The following KHDRBS2 variants were observed in gnomAD, a reference collection of about 807,000 sequenced individuals.
KHDRBS2 encodes the protein KH domain-containing, RNA-binding, signal transduction-associated protein 2.
A neutral mutation model predicts 44.3 loss-of-function variants in KHDRBS2; 26 were observed. The observed-to-expected ratio is 0.59, with a 90% confidence interval of 0.43 to 0.81. The LOEUF (loss-of-function observed/expected upper bound fraction) is 0.81, where lower values mean the gene tolerates loss of function less well. Ranked by LOEUF, KHDRBS2 falls within the 40% of genes least tolerant of loss-of-function variation. The pLI is 0.00. For missense variants in KHDRBS2, 476 were observed against 433.1 expected, an observed-to-expected ratio of 1.10 and a Z score of -0.88; for synonymous variants, 194 against 151.1, an observed-to-expected ratio of 1.28 and a Z score of -2.08.
At chr6:62,045,324 G>A (rs1337703479) in intron 3 of KHDRBS2, among the ~76,000 whole-genome samples, 1 of 151,966 alleles carries the variant, frequency 6.6e-6, no homozygotes, top group Non-Finnish European at 1.5e-5. Flanking sequence ...TATACATAAA[G>A]TACAGATTCT....
intron 4 of KHDRBS2, among the ~76,000 whole-genome samples, chr6:61,961,739 G>C (rs754222324): frequency 6.6e-6 from 1 of 152,044 alleles, no homozygotes; most frequent in African/African-American, 2.4e-5. Context: ...AAAAAGGGAA[G>C]ACCACGGCAC....
the KHDRBS2 span, among the ~76,000 whole-genome samples, chr6:61,544,743 T>C: frequency 6.6e-6 from 1 of 152,072 alleles, no homozygotes; most frequent in Non-Finnish European, 1.5e-5. Context: ...TGGAATACTA[T>C]GCAGCCATAA....
the KHDRBS2 span, among the ~76,000 whole-genome samples, chr6:61,667,397 AT>A: frequency 6.6e-6 from 1 of 151,172 alleles, no homozygotes; most frequent in South Asian, 2.1e-4. Context: ...GTTTTATGCA[AT>A]TTATCAAAAA....
At chr6:61,598,837 CTTT>C in the KHDRBS2 span, among the ~76,000 whole-genome samples, 18,780 of 64,700 alleles carry the variant, frequency 0.29, 1,061 homozygotes, top group East Asian at 0.41. Flanking sequence ...TTTTTCTTTT[CTTT>C]TTTTTTTTTT....
the KHDRBS2 span, among the ~76,000 whole-genome samples, chr6:61,634,934 T>G: frequency 2.6e-5 from 4 of 151,818 alleles, no homozygotes; most frequent in Admixed American, 6.6e-5. Context: ...AATTATTATC[T>G]ATTTTATAGC....
intron 1 of KHDRBS2, among the ~76,000 whole-genome samples, chr6:62,280,246 C>A (rs1219132621): frequency 6.6e-6 from 1 of 152,072 alleles, no homozygotes; most frequent in Non-Finnish European, 1.5e-5. Flanking sequence ...GTATGGACTA[C>A]GCCTTGCAGG....
chr6:61,897,237 C>T (rs930071371), intron 5 of KHDRBS2, among the ~76,000 whole-genome samples: 4 of 152,132 alleles, frequency 2.6e-5, no homozygotes, highest in African/African-American at 7.2e-5. Context: ...TCTCTGGAGA[C>T]AGGGAGCTCC....
At chr6:61,699,167 G>T (rs9351001) in intron 7 of KHDRBS2, among the ~76,000 whole-genome samples, 53,605 of 151,792 alleles carry the variant, frequency 0.35, 10,291 homozygotes, top group East Asian at 0.48. Flanking sequence ...GCTGCTCAAT[G>T]AATATTTATA....
intron 6 of KHDRBS2, among the ~76,000 whole-genome samples, chr6:61,865,081 C>A (rs925828389): frequency 6.6e-6 from 1 of 152,116 alleles, no homozygotes; most frequent in African/African-American, 2.4e-5. Flanking sequence ...CTTGTGACTG[C>A]ATTGTGAAGT....
At chr6:61,681,897 T>C (rs1766347895) in intron 8 of KHDRBS2, among the ~76,000 whole-genome samples, 1 of 151,958 alleles carries the variant, frequency 6.6e-6, no homozygotes, top group South Asian at 2.1e-4. Context: ...GTTGGCTTTA[T>C]GGTGACATTT....
At chr6:62,248,989 T>A (rs982468254) in intron 1 of KHDRBS2, among the ~76,000 whole-genome samples, 1 of 152,140 alleles carries the variant, frequency 6.6e-6, no homozygotes, top group Non-Finnish European at 1.5e-5. Flanking sequence ...ATATTTTGGA[T>A]AAATAATTCT....
the KHDRBS2 span, among the ~76,000 whole-genome samples, chr6:61,627,620 C>T: frequency 6.6e-6 from 1 of 152,112 alleles, no homozygotes; most frequent in Non-Finnish European, 1.5e-5. Context: ...TATAATGAAG[C>T]CCCAATAAAA....
intron 4 of KHDRBS2, among the ~76,000 whole-genome samples, chr6:61,952,309 G>A (rs1218261359): frequency 6.6e-6 from 1 of 151,938 alleles, no homozygotes; most frequent in Non-Finnish European, 1.5e-5. Context: ...TTTATCTGGG[G>A]ACAATGGCTT....
intron 6 of KHDRBS2, among the ~76,000 whole-genome samples, chr6:61,811,306 A>C (rs1230295015): frequency 3.9e-5 from 6 of 152,166 alleles, no homozygotes; most frequent in African/African-American, 1.4e-4. Context: ...ACCACATAGC[A>C]TTCCATGATG....
chr6:62,209,869 C>T (rs1401966113), intron 1 of KHDRBS2, among the ~76,000 whole-genome samples: 2 of 152,124 alleles, frequency 1.3e-5, no homozygotes, highest in Admixed American at 6.5e-5. Flanking sequence ...GAATTCACAC[C>T]AGTGATTTGC....
At chr6:62,093,037 T>C (rs1015506268) in intron 2 of KHDRBS2, among the ~76,000 whole-genome samples, 20 of 152,054 alleles carry the variant, frequency 1.3e-4, no homozygotes, top group African/African-American at 4.8e-4. Context: ...GTTACTTATT[T>C]TGTGTATCTT....
At chr6:62,142,096 C>T (rs1254781652) in intron 2 of KHDRBS2, among the ~76,000 whole-genome samples, 1 of 151,908 alleles carries the variant, frequency 6.6e-6, no homozygotes, top group Non-Finnish European at 1.5e-5. Context: ...TCTGAATATA[C>T]TGAATTTGTG....
chr6:62,114,635 A>T (rs1805782189), intron 2 of KHDRBS2, among the ~76,000 whole-genome samples: 2 of 152,156 alleles, frequency 1.3e-5, no homozygotes, highest in Non-Finnish European at 2.9e-5. Flanking sequence ...AAAATATCTT[A>T]CATTCAATAT....
At chr6:61,787,574 C>G (rs1784013212) in intron 6 of KHDRBS2, among the ~76,000 whole-genome samples, 1 of 151,610 alleles carries the variant, frequency 6.6e-6, no homozygotes, top group East Asian at 1.9e-4. Flanking sequence ...CTTCATCCTT[C>G]CTCATTAATT....
Sources: gnomAD v4.1 joint callset for allele counts (sites outside exome capture counted in the v4.1 genomes callset) on GRCh38, gnomAD v4.1.1 for gene constraint, MANE v1.5 for transcripts, NCBI Gene and HGNC (gene_info 2026-07-23, HGNC 2026-07-21) for gene names.